The following DIP2C variants were observed in gnomAD, a reference collection of about 807,000 sequenced individuals.
DIP2C encodes disco-interacting protein 2 homolog C.
In DIP2C, 33 loss-of-function variants were observed where a neutral mutation model predicts 192.4. That is an observed-to-expected ratio of 0.17 (90% CI 0.13 to 0.23). DIP2C has a LOEUF of 0.23. Ranked by LOEUF, DIP2C falls within the 10% of genes least tolerant of loss-of-function variation. DIP2C has a pLI of 1.00. For missense variants in DIP2C, 1,537 were observed against 2,110.1 expected, an observed-to-expected ratio of 0.73 and a Z score of 5.32; for synonymous variants, 979 against 864.1, an observed-to-expected ratio of 1.13 and a Z score of -2.33.
intron 1 of DIP2C, among the ~76,000 whole-genome samples, chr10:495,548 T>C (rs74115019): frequency 2.2e-3 from 332 of 151,008 alleles, no homozygotes; most frequent in African/African-American, 8.1e-3. Context: ...ATTCTGTTTC[T>C]TCTAGCGACT....
At chr10:485,574 C>A (rs1002281920) in intron 2 of DIP2C, among the ~76,000 whole-genome samples, 1 of 152,204 alleles carries the variant, frequency 6.6e-6, no homozygotes, top group Admixed American at 6.5e-5. Flanking sequence ...CCGTTTCCTG[C>A]AGCCTGAGCC....
intron 1 of DIP2C, among the ~76,000 whole-genome samples, chr10:645,747 T>C (rs1855413174): frequency 6.6e-6 from 1 of 152,238 alleles, no homozygotes; most frequent in Non-Finnish European, 1.5e-5. Context: ...CATGAATATG[T>C]TGATAACGTT....
intron 17 of DIP2C, among the ~76,000 whole-genome samples, chr10:379,856 C>A (rs1962166998): frequency 6.6e-6 from 1 of 151,932 alleles, no homozygotes; most frequent in Admixed American, 6.6e-5. Context: ...GGTTAACACG[C>A]AGAAGAGGCT....
At chr10:470,635 G>A (rs765713923) in intron 3 of DIP2C, among the ~76,000 whole-genome samples, 5 of 152,168 alleles carry the variant, frequency 3.3e-5, no homozygotes, top group Admixed American at 1.3e-4. Flanking sequence ...GGCATGATCC[G>A]AAGGTAAACA....
intron 1 of DIP2C, among the ~76,000 whole-genome samples, chr10:573,634 T>C (rs1025528962): frequency 6.6e-6 from 1 of 152,084 alleles, no homozygotes; most frequent in Non-Finnish European, 1.5e-5. Context: ...GGTCTCAAGC[T>C]CCCAGGCTCA....
chr10:319,619 C>T (rs904595267), intron 31 of DIP2C, among the ~76,000 whole-genome samples: 22 of 152,126 alleles, frequency 1.4e-4, no homozygotes, highest in Non-Finnish European at 2.4e-4. Flanking sequence ...TAATAAGTGA[C>T]ACCTTCTAAT....
At chr10:616,942 G>C (rs1453356585) in intron 1 of DIP2C, among the ~76,000 whole-genome samples, 1 of 152,162 alleles carries the variant, frequency 6.6e-6, no homozygotes, top group East Asian at 1.9e-4. Context: ...AAATTCCATG[G>C]ACCACCAACC....
intron 1 of DIP2C, among the ~76,000 whole-genome samples, chr10:569,394 G>A (rs1849644122): frequency 6.6e-6 from 1 of 152,102 alleles, no homozygotes; most frequent in South Asian, 2.1e-4. Context: ...AACAAGGGAG[G>A]CAATTCAGCT....
chr10:589,343 C>CT (rs1167565596), intron 1 of DIP2C, among the ~76,000 whole-genome samples: 2 of 152,118 alleles, frequency 1.3e-5, no homozygotes, highest in African/African-American at 4.8e-5. Flanking sequence ...TTGATGAAGT[C>CT]TTGTCTCCTT....
chr10:541,951 T>C (rs1220496868), intron 1 of DIP2C, among the ~76,000 whole-genome samples: 1 of 147,318 alleles, frequency 6.8e-6, no homozygotes, highest in African/African-American at 2.6e-5. Context: ...GCACTGAGCC[T>C]TGTCAGGGGC....
intron 10 of DIP2C, among the ~76,000 whole-genome samples, chr10:393,757 T>G (rs1963680219): frequency 1.7e-5 from 2 of 117,478 alleles, no homozygotes; most frequent in African/African-American, 6.9e-5. Flanking sequence ...CCAGCCTGGG[T>G]GACAGAGCGA....
At chr10:566,327 G>A (rs999176249) in intron 1 of DIP2C, among the ~76,000 whole-genome samples, 11 of 152,070 alleles carry the variant, frequency 7.2e-5, no homozygotes, top group African/African-American at 2.2e-4. Context: ...CGTGACCCTC[G>A]CGGGGTAACC....
At chr10:501,286 T>A (rs1845204533) in intron 1 of DIP2C, among the ~76,000 whole-genome samples, 1 of 152,090 alleles carries the variant, frequency 6.6e-6, no homozygotes, top group Admixed American at 6.6e-5. Flanking sequence ...TTCTAGAAGA[T>A]CTTGCCCAAC....
Position 551,053 on chromosome 10 carries a change from G to A in DIP2C, c.86-64523C>T, listed in dbSNP as rs145096182. On this transcript the variant is annotated intron_variant, in intron 1 of 36. Coordinates refer to ENST00000280886, the MANE Select transcript of DIP2C (RefSeq NM_014974.3). Reference sequence around the variant, plus strand: ...GCCCTCACTGGACACTGTGGCTCTGGTACATACCTGATGCAAACCATGCAC... The same window carrying A: ...GCCCTCACTGGACACTGTGGCTCTGATACATACCTGATGCAAACCATGCAC... Among the ~76,000 whole-genome samples the A allele has an allele frequency of 2.9e-4, 44 of 149,714 alleles. No individual in the cohort carries two copies. In the East Asian group the frequency reaches 7.5e-3, roughly 26 times the overall value.
At chr10:508,104 TC>T (rs936591395) in intron 1 of DIP2C, among the ~76,000 whole-genome samples, 70 of 148,738 alleles carry the variant, frequency 4.7e-4, no homozygotes, top group Admixed American at 1.4e-3. Context: ...TCAGCCACCT[TC>T]CCCCAACGCC....
intron 1 of DIP2C, among the ~76,000 whole-genome samples, chr10:542,057 C>T (rs1259496904): frequency 1.3e-5 from 2 of 152,202 alleles, no homozygotes; most frequent in Non-Finnish European, 2.9e-5. Flanking sequence ...AGCCGGCACC[C>T]ACCCCTACAA....
chr10:340,074 G>A (rs1055283483), intron 29 of DIP2C, among the ~76,000 whole-genome samples: 2 of 151,904 alleles, frequency 1.3e-5, no homozygotes, highest in African/African-American at 2.4e-5. Flanking sequence ...CCAGCTACTC[G>A]GGAGGCTGAG....
chr10:345,466 T>TCA (rs1426531949), intron 26 of DIP2C, among the ~76,000 whole-genome samples: 5 of 124,542 alleles, frequency 4.0e-5, no homozygotes, highest in African/African-American at 9.4e-5. Flanking sequence ...CCCGGAAACG[T>TCA]CACACACACC....
At position 689,232 on chromosome 10, in the gene DIP2C, G is replaced by C. The variant is rs1831451802; in HGVS notation, c.85+262C>G. On this transcript the variant is annotated intron_variant, in intron 1 of 36. Transcript: ENST00000280886. The surrounding 1 kb of genome is among the most constrained non-coding windows in gnomAD (Gnocchi z 6.1). ...CACAAACACCCCCAGAGCGCGAGGG[G>C]ATCCCAGGCCCCACAGACACCCCCA... Among the ~76,000 whole-genome samples, 1 of 151,116 alleles carries C rather than the reference G, an allele frequency of 6.6e-6. No individual in the cohort carries two copies. Among genetic ancestry groups the C allele is most frequent in the Admixed American group, 6.6e-5 (1 of 15,214 alleles).
Sources: gnomAD v4.1 joint callset for allele counts (sites outside exome capture counted in the v4.1 genomes callset) on GRCh38, gnomAD v4.1.1 for gene constraint, Gnocchi (gnomAD v3.1) non-coding constraint, MANE v1.5 for transcripts, NCBI Gene and HGNC (gene_info 2026-07-23, HGNC 2026-07-21) for gene names.